The following NEGR1 variants were observed in gnomAD, a reference collection of about 807,000 sequenced individuals.
NEGR1 encodes the protein IgLON family member 4.
NEGR1 carries 10 observed loss-of-function variants against 40.9 expected under a neutral mutation model. That is an observed-to-expected ratio of 0.24 (90% CI 0.15 to 0.42). NEGR1 has a LOEUF of 0.42. Ranked by LOEUF, NEGR1 falls within the 10% of genes least tolerant of loss-of-function variation. NEGR1 has a pLI of 1.00. For missense variants in NEGR1, 352 were observed against 438.9 expected (o/e 0.80, Z 1.77); for synonymous variants, 185 against 166.8 (o/e 1.11, Z -0.84).
chr1:72,043,445 T>G (rs538631848), intron 1 of NEGR1, among the ~76,000 whole-genome samples: 3 of 151,844 alleles, frequency 2.0e-5, no homozygotes, highest in South Asian at 2.1e-4. Flanking sequence ...GAAGATACAG[T>G]TGAGGTAAAT....
At chr1:72,077,265 T>C (rs1647784379) in intron 1 of NEGR1, among the ~76,000 whole-genome samples, 1 of 151,970 alleles carries the variant, frequency 6.6e-6, no homozygotes, top group South Asian at 2.1e-4. Flanking sequence ...TGTTGAACAA[T>C]GGGATGTCAT....
chr1:72,021,979 C>T (rs1443254148), intron 1 of NEGR1, among the ~76,000 whole-genome samples: 2 of 151,436 alleles, frequency 1.3e-5, no homozygotes, highest in Non-Finnish European at 2.9e-5. Flanking sequence ...ACTAAAAATA[C>T]AAAAAATTAG....
At chr1:71,662,413 T>C (rs1292897134) in intron 4 of NEGR1, among the ~76,000 whole-genome samples, 6 of 152,178 alleles carry the variant, frequency 3.9e-5, no homozygotes, top group Admixed American at 2.0e-4. Context: ...CTATTGAGAA[T>C]AGCTCCTCCC....
intron 4 of NEGR1, among the ~76,000 whole-genome samples, chr1:71,620,732 A>G (rs1264267996): frequency 6.6e-6 from 1 of 151,980 alleles, no homozygotes; most frequent in Non-Finnish European, 1.5e-5. Flanking sequence ...GCCTCTGGTC[A>G]GCATTCACAG....
chr1:71,645,150 G>T (rs1651489769), intron 4 of NEGR1, among the ~76,000 whole-genome samples: 1 of 151,838 alleles, frequency 6.6e-6, no homozygotes, highest in Admixed American at 6.6e-5. Flanking sequence ...TTTCAGTTTT[G>T]CTTTTTTCAG....
At chr1:71,867,261 C>A (rs1279104152) in intron 2 of NEGR1, among the ~76,000 whole-genome samples, 1 of 152,090 alleles carries the variant, frequency 6.6e-6, no homozygotes, top group Admixed American at 6.5e-5. Flanking sequence ...ATAATCCCAG[C>A]TACTCAGGAG....
intron 4 of NEGR1, among the ~76,000 whole-genome samples, chr1:71,654,359 T>A (rs1017546109): frequency 2.6e-5 from 4 of 152,170 alleles, no homozygotes; most frequent in Non-Finnish European, 5.9e-5. Flanking sequence ...GTGCCAATAT[T>A]GTTTGATCAA....
At chr1:71,429,969 CT>C (rs1411110437) in intron 6 of NEGR1, among the ~76,000 whole-genome samples, 2 of 152,288 alleles carry the variant, frequency 1.3e-5, no homozygotes, top group East Asian at 3.9e-4. Flanking sequence ...TGTTCAAGGC[CT>C]TTTGCCAGCC....
At chr1:72,073,768 A>G (rs925005091) in intron 1 of NEGR1, among the ~76,000 whole-genome samples, 6 of 152,002 alleles carry the variant, frequency 3.9e-5, no homozygotes, top group African/African-American at 9.7e-5. Context: ...CTTAAGATTC[A>G]TTAGATGGCT....
chr1:72,117,966 T>G (rs1569992885), intron 1 of NEGR1, among the ~76,000 whole-genome samples: 1 of 151,854 alleles, frequency 6.6e-6, no homozygotes. Flanking sequence ...GAAAGTCATC[T>G]GCATCACTTT....
At chr1:72,202,209 G>A (rs971719603) in intron 1 of NEGR1, among the ~76,000 whole-genome samples, 10 of 151,792 alleles carry the variant, frequency 6.6e-5, no homozygotes, top group East Asian at 3.9e-4. Context: ...AAACTTAATC[G>A]ATAAATGATG....
chr1:72,255,419 T>C (rs1009558131), intron 1 of NEGR1, among the ~76,000 whole-genome samples: 10 of 152,180 alleles, frequency 6.6e-5, no homozygotes, highest in African/African-American at 2.4e-4. Context: ...TGAATGAATG[T>C]ATATTCAGAA....
At chr1:71,486,270 C>A (rs1646887181) in intron 6 of NEGR1, 1 of 151,448 alleles carries the variant, frequency 6.6e-6, no homozygotes, top group Non-Finnish European at 1.5e-5. Flanking sequence ...TTGTTAAATT[C>A]TTAGGCCCAT....
intron 6 of NEGR1, among the ~76,000 whole-genome samples, chr1:71,433,955 C>T (rs528950671): frequency 4.6e-5 from 7 of 152,222 alleles, no homozygotes; most frequent in South Asian, 4.1e-4. Context: ...ATTGAAGTCA[C>T]GTTGAGGTTG....
At chr1:72,266,640 C>T (rs1841500) in intron 1 of NEGR1, among the ~76,000 whole-genome samples, 34,482 of 149,818 alleles carry the variant, frequency 0.23, 4,816 homozygotes, top group South Asian at 0.31. Context: ...TAGGTAAATA[C>T]ATTCACAAAT....
intron 1 of NEGR1, among the ~76,000 whole-genome samples, chr1:72,227,581 T>C (rs1305442360): frequency 6.6e-6 from 1 of 152,096 alleles, no homozygotes; most frequent in East Asian, 1.9e-4. Context: ...AGAATGGGAA[T>C]GTTTATATTT....
At chr1:71,875,500 C>T (rs1266109499) in intron 2 of NEGR1, among the ~76,000 whole-genome samples, 2 of 152,170 alleles carry the variant, frequency 1.3e-5, no homozygotes, top group Admixed American at 1.3e-4. Context: ...CAGTTGAAGC[C>T]TTGCCTTTAA....
intron 1 of NEGR1, among the ~76,000 whole-genome samples, chr1:72,258,445 A>C (rs576698688): frequency 1.3e-5 from 2 of 152,294 alleles, no homozygotes; most frequent in South Asian, 4.1e-4. Flanking sequence ...ATTGAGAATA[A>C]ATATGTCCCC....
intron 1 of NEGR1, among the ~76,000 whole-genome samples, chr1:72,089,010 G>A (rs756114661): frequency 6.6e-6 from 1 of 151,874 alleles, no homozygotes; most frequent in Non-Finnish European, 1.5e-5. Flanking sequence ...GCTTTACCAA[G>A]AAGCAGTATT....
Sources: allele counts gnomAD v4.1 joint callset (sites outside exome capture counted in the v4.1 genomes callset), GRCh38; gene constraint gnomAD v4.1.1; transcripts MANE v1.5; gene names NCBI Gene and HGNC (gene_info 2026-07-23, HGNC 2026-07-21).